The following NPAS3 variants were observed in gnomAD, a reference collection of about 807,000 sequenced individuals.
The protein encoded by NPAS3 is neuronal PAS domain protein 3, also known as neuronal PAS domain-containing protein 3.
A neutral mutation model predicts 73.1 loss-of-function variants in NPAS3; 14 were observed. The ratio of observed to expected loss-of-function variants is 0.19; its 90% confidence interval spans 0.13 to 0.30. The LOEUF is 0.30. Among genes scored for constraint, NPAS3 ranks in the 10% least tolerant of loss-of-function variants. The probability of loss-of-function intolerance (pLI) is 1.00; values close to 1 mark genes in which losing one functional copy is unlikely to be tolerated. For missense variants in NPAS3, 1,096 were observed against 1,250.0 expected (o/e 0.88, Z 1.86); for synonymous variants, 620 against 541.5 (o/e 1.14, Z -2.01).
At chr14:33,107,565 T>G (rs2042761403) in intron 2 of NPAS3, among the ~76,000 whole-genome samples, 1 of 152,194 alleles carries the variant, frequency 6.6e-6, no homozygotes, top group African/African-American at 2.4e-5. Context: ...GCTGCATCCA[T>G]GTTGCAGCAA....
intron 3 of NPAS3, among the ~76,000 whole-genome samples, chr14:33,268,047 A>G (rs1265353486): frequency 6.6e-6 from 1 of 151,980 alleles, no homozygotes; most frequent in East Asian, 1.9e-4. Context: ...TTTTTTTTTC[A>G]GCTGCTAAGT....
chr14:33,138,261 C>G (rs1197151497), intron 2 of NPAS3, among the ~76,000 whole-genome samples: 1 of 147,396 alleles, frequency 6.8e-6, no homozygotes, highest in Non-Finnish European at 1.5e-5. Flanking sequence ...GAGTCTATCA[C>G]TTTCTTGATG....
chr14:33,525,030 G>T (rs138001483), intron 4 of NPAS3, among the ~76,000 whole-genome samples: 22 of 152,236 alleles, frequency 1.4e-4, no homozygotes, highest in African/African-American at 5.3e-4. Context: ...ATTTGGGAGA[G>T]AACACAATTC....
chr14:32,992,450 A>T (rs1330058337), intron 1 of NPAS3, among the ~76,000 whole-genome samples: 1 of 152,146 alleles, frequency 6.6e-6, no homozygotes, highest in South Asian at 2.1e-4. Context: ...ACCCAGGTAC[A>T]GGTAGTGTCT....
chr14:33,294,594 C>T (rs2042221732), intron 3 of NPAS3, among the ~76,000 whole-genome samples: 1 of 151,938 alleles, frequency 6.6e-6, no homozygotes, highest in African/African-American at 2.4e-5. Flanking sequence ...TTGCTTGGCT[C>T]TATATTCTTA....
intron 4 of NPAS3, among the ~76,000 whole-genome samples, chr14:33,442,175 A>G (rs374455827): frequency 1.2e-3 from 181 of 152,286 alleles, no homozygotes; most frequent in African/African-American, 4.1e-3. Context: ...TAAAAATTAT[A>G]CTTGTATTAA....
intron 3 of NPAS3, among the ~76,000 whole-genome samples, chr14:33,288,160 C>T (rs779798999): frequency 5.9e-5 from 9 of 152,146 alleles, no homozygotes; most frequent in Non-Finnish European, 1.3e-4. Flanking sequence ...TGGCATGGGT[C>T]GATGTGGGAG....
intron 1 of NPAS3, among the ~76,000 whole-genome samples, chr14:33,048,705 A>T (rs973456032): frequency 2.0e-5 from 3 of 152,194 alleles, no homozygotes; most frequent in Non-Finnish European, 4.4e-5. Context: ...CCCCAAAATA[A>T]TGACAAAATA....
intron 8 of NPAS3, among the ~76,000 whole-genome samples, chr14:33,777,378 C>T (rs2138500657): frequency 6.6e-6 from 1 of 152,250 alleles, no homozygotes; most frequent in East Asian, 1.9e-4. Context: ...AATTGCTAGA[C>T]ACTGAGAAAT....
intron 7 of NPAS3, among the ~76,000 whole-genome samples, chr14:33,766,689 G>A (rs1160953280): frequency 2.0e-5 from 3 of 152,100 alleles, no homozygotes; most frequent in African/African-American, 7.2e-5. Context: ...CAAGAATTTG[G>A]TTGGACGAAC....
At chr14:33,147,757 AC>A (rs2044296929) in intron 2 of NPAS3, among the ~76,000 whole-genome samples, 2 of 147,070 alleles carry the variant, frequency 1.4e-5, no homozygotes, top group African/African-American at 5.0e-5. Context: ...ATATATATAC[AC>A]ACAAAAAAGT....
At chr14:33,529,777 A>G (rs918488507) in intron 4 of NPAS3, among the ~76,000 whole-genome samples, 11 of 152,082 alleles carry the variant, frequency 7.2e-5, no homozygotes, top group East Asian at 3.9e-4. Flanking sequence ...AACAAAGACC[A>G]TGTCAACTCT....
chr14:33,707,875 G>A (rs1213794453), intron 6 of NPAS3, among the ~76,000 whole-genome samples: 1 of 152,194 alleles, frequency 6.6e-6, no homozygotes, highest in Non-Finnish European at 1.5e-5. Context: ...GCCTGCATGC[G>A]TGGCACACAG....
chr14:33,537,377 C>A (rs1479773165), intron 4 of NPAS3, among the ~76,000 whole-genome samples: 1 of 152,040 alleles, frequency 6.6e-6, no homozygotes, highest in Non-Finnish European at 1.5e-5. Context: ...TATGCTCAAA[C>A]AGAAAAAATC....
At chr14:33,687,750 T>C (rs1414610558) in intron 6 of NPAS3, among the ~76,000 whole-genome samples, 3 of 152,368 alleles carry the variant, frequency 2.0e-5, no homozygotes, top group South Asian at 2.1e-4. Context: ...ATTCATTCTT[T>C]CATTTATTCT....
At chr14:33,506,743 G>C (rs2052782274) in intron 4 of NPAS3, among the ~76,000 whole-genome samples, 1 of 151,936 alleles carries the variant, frequency 6.6e-6, no homozygotes, top group African/African-American at 2.4e-5. Flanking sequence ...CTATCTTGTT[G>C]TGCATATCAC....
intron 3 of NPAS3, among the ~76,000 whole-genome samples, chr14:33,318,865 G>A (rs1056652244): frequency 1.3e-4 from 20 of 151,874 alleles, no homozygotes; most frequent in Admixed American, 2.0e-4. Flanking sequence ...CTTTTTTAAC[G>A]TAAATAACTA....
At chr14:33,795,620 T>G (rs2063490767) in intron 10 of NPAS3, among the ~76,000 whole-genome samples, 1 of 152,192 alleles carries the variant, frequency 6.6e-6, no homozygotes, top group African/African-American at 2.4e-5. Flanking sequence ...CCCATGTTGA[T>G]GAAACATAGA....
Position 33,122,028 on chromosome 14 carries a change from T to G in NPAS3, c.140+66034T>G, listed in dbSNP as rs527362462. ...TACCAATGAAATTACTGTGTTAATG[T>G]ATCACTGTTAAAATAGAAGAAAAAT... On this transcript the variant is annotated intron_variant, in intron 2 of 11. Coordinates refer to ENST00000356141, the Ensembl canonical transcript of NPAS3. 3.9e-5 allele frequency among the ~76,000 whole-genome samples: 6 copies of G among 152,302 alleles called. No individual in the cohort carries two copies. The South Asian group carries it at 1.2e-3, about 32-fold the overall frequency.
Sources: allele counts gnomAD v4.1 joint callset (sites outside exome capture counted in the v4.1 genomes callset), GRCh38; gene constraint gnomAD v4.1.1; transcripts MANE v1.5; gene names NCBI Gene and HGNC (gene_info 2026-07-23, HGNC 2026-07-21).